TRPM8: variants seen among roughly 807,000 people sequenced by gnomAD.
TRPM8 encodes transient receptor potential cation channel subfamily M member 8.
A neutral mutation model predicts 133.7 loss-of-function variants in TRPM8; 110 were observed. That is an observed-to-expected ratio of 0.82 (90% CI 0.70 to 0.96). TRPM8 has a LOEUF of 0.96. Among genes scored for constraint, TRPM8 ranks in the 40% least tolerant of loss-of-function variants. The pLI is 0.00. For synonymous variants in TRPM8, 535 were observed against 532.3 expected (o/e 1.01, Z -0.07); for missense variants, 1,291 against 1,379.5 (o/e 0.94, Z 1.02).
chr2:233,942,828 G>C (rs752961408), intron 6 of TRPM8, 80 bp downstream of exon 6: 1 of 1,550,602 alleles, frequency 6.4e-7, no homozygotes, highest in South Asian at 1.1e-5. Context: ...GAACCCTGGG[G>C]CTCTGTGATG....
At chr2:234,002,681 A>G (rs1431594355) in intron 22 of TRPM8, among the ~76,000 whole-genome samples, 3 of 152,282 alleles carry the variant, frequency 2.0e-5, no homozygotes, top group East Asian at 3.9e-4. Flanking sequence ...GAAAAAAGAA[A>G]AGTCGCTGTT....
At chr2:233,998,147 G>A (rs889132789) in intron 22 of TRPM8, among the ~76,000 whole-genome samples, 2 of 152,114 alleles carry the variant, frequency 1.3e-5, no homozygotes, top group African/African-American at 4.8e-5. Flanking sequence ...ATCCATCTCT[G>A]GGATGGGGAT....
chr2:233,938,784 C>T (rs1574702620), intron 4 of TRPM8, among the ~76,000 whole-genome samples: 1 of 152,004 alleles, frequency 6.6e-6, no homozygotes, highest in Admixed American at 6.6e-5. Flanking sequence ...AATTTTCGGG[C>T]CCCAAGATTT....
chr2:234,001,199 G>A (rs1218672781), intron 22 of TRPM8, among the ~76,000 whole-genome samples: 3 of 152,064 alleles, frequency 2.0e-5, no homozygotes, highest in Admixed American at 6.5e-5. Flanking sequence ...ATGACCTGCT[G>A]TAGGGGAAGG....
chr2:233,924,727 C>A (rs1442238899), intron 1 of TRPM8, among the ~76,000 whole-genome samples: 2 of 152,178 alleles, frequency 1.3e-5, no homozygotes, highest in Non-Finnish European at 2.9e-5. Context: ...AAAAATACCC[C>A]TTTTCTGTTG....
rs1280265033 is a variant in TRPM8, at chr2:233,937,354, G to C, written c.193G>C (p.Glu65Gln). Reference protein sequence around the residue: ...VFFTKDSKATENVCKCGYAQS... With the variant: ...VFFTKDSKATQNVCKCGYAQS... ...TGTCCACACCATCGTGCTTATCAGGGAGAATGTGTGCAAGTGTGGCTATGC... is the reference window on the plus strand; with the variant it reads ...TGTCCACACCATCGTGCTTATCAGGCAGAATGTGTGCAAGTGTGGCTATGC... The change falls in exon 4 of 26, where the codon GAG (glutamate) becomes CAG (glutamine). Residue 65 changes from glutamate (E) to glutamine (Q), a missense_variant and splice_region_variant. By Grantham distance (29) the Glu-to-Gln change is conservative. Transcript: ENST00000324695. 2 of 1,614,046 alleles carry C rather than the reference G, an allele frequency of 1.2e-6. No individual in the cohort carries two copies. The highest frequency in any genetic ancestry group is 4.5e-5 in the East Asian group (2 of 44,878).
At chr2:233,988,556 T>C (rs192785467) in intron 21 of TRPM8, among the ~76,000 whole-genome samples, 77 of 152,300 alleles carry the variant, frequency 5.1e-4, no homozygotes, top group Non-Finnish European at 7.5e-4. Context: ...CTTCCTGGTG[T>C]ATTATATACT....
intron 22 of TRPM8, among the ~76,000 whole-genome samples, chr2:234,002,738 G>A (rs1692599675): frequency 6.6e-6 from 1 of 152,188 alleles, no homozygotes; most frequent in Admixed American, 6.5e-5. Context: ...GGGAAATATA[G>A]GGGAGAATCC....
intron 5 of TRPM8, 34 bp from the exon 6 acceptor site, chr2:233,942,542 C>T (rs1690935042): frequency 3.7e-6 from 6 of 1,612,812 alleles, no homozygotes; most frequent in South Asian, 1.1e-5. Context: ...TGCCCAGTGC[C>T]ACTTGACCAT....
intron 3 of TRPM8, among the ~76,000 whole-genome samples, chr2:233,934,861 T>C (rs966616615): frequency 1.2e-4 from 19 of 152,262 alleles, no homozygotes; most frequent in African/African-American, 4.6e-4. Context: ...ATTGTGTTTT[T>C]AGAAAAGTCA....
intron 12 of TRPM8, among the ~76,000 whole-genome samples, chr2:233,962,195 C>G (rs1244174127): frequency 6.6e-6 from 1 of 152,146 alleles, no homozygotes; most frequent in African/African-American, 2.4e-5. Context: ...TATAATCCTG[C>G]AGAACTTCTC....
At chr2:233,926,191 T>G (rs918427103) in intron 1 of TRPM8, among the ~76,000 whole-genome samples, 2 of 152,110 alleles carry the variant, frequency 1.3e-5, no homozygotes, top group African/African-American at 4.8e-5. Flanking sequence ...TCAGATGGAG[T>G]GCACTGTGAT....
intron 21 of TRPM8, among the ~76,000 whole-genome samples, chr2:233,993,303 G>A (rs966341722): frequency 2.6e-5 from 4 of 152,200 alleles, no homozygotes; most frequent in Admixed American, 6.5e-5. Flanking sequence ...AGGAGGGGCC[G>A]TGCAGTCAAC....
intron 3 of TRPM8, among the ~76,000 whole-genome samples, chr2:233,934,490 A>G (rs1691748991): frequency 6.6e-6 from 1 of 152,172 alleles, no homozygotes; most frequent in African/African-American, 2.4e-5. Flanking sequence ...TCTTGATCCT[A>G]CTGTGTAGAT....
At position 233,986,649 on chromosome 2, in the gene TRPM8, T is replaced by C. The variant is rs11563031; in HGVS notation, c.2939+784T>C. ...TTCAAAACCAGAAACCTAGAAACTC[T>C]GAATGAGAAGATAAACATATTTGAT... is the stretch of plus-strand genomic sequence containing the variant. On this transcript the variant is annotated intron_variant, in intron 21 of 25. Transcript: ENST00000324695. Among the ~76,000 whole-genome samples the C allele has an allele frequency of 5.2e-3, 787 of 152,286 alleles. 12 individuals are homozygous for C. Among genetic ancestry groups the C allele is most frequent in the African/African-American group, 0.018 (753 of 41,550 alleles).
chr2:233,928,031 G>A (rs1420967092), intron 2 of TRPM8, among the ~76,000 whole-genome samples: 4 of 143,832 alleles, frequency 2.8e-5, no homozygotes, highest in Non-Finnish European at 4.5e-5. Context: ...GTGCAGTGGC[G>A]AGATCTCGGC....
At chr2:233,981,042 T>G (rs1221251611) in intron 18 of TRPM8, among the ~76,000 whole-genome samples, 3 of 152,214 alleles carry the variant, frequency 2.0e-5, no homozygotes, top group Non-Finnish European at 2.9e-5. Context: ...AGACCCTGTT[T>G]CAATTTTTTA....
chr2:234,014,175 T>C (rs552715305), intron 24 of TRPM8, among the ~76,000 whole-genome samples: 4 of 152,308 alleles, frequency 2.6e-5, no homozygotes, highest in Non-Finnish European at 4.4e-5. Context: ...ATTAGTATTA[T>C]ACTTTTACCA....
intron 9 of TRPM8, among the ~76,000 whole-genome samples, chr2:233,953,224 C>T (rs1436455254): frequency 1.3e-5 from 2 of 152,184 alleles, no homozygotes; most frequent in South Asian, 2.1e-4. Context: ...ACTTCGTCTC[C>T]CACCCAGCGG....
Sources: gnomAD v4.1 joint callset for allele counts (sites outside exome capture counted in the v4.1 genomes callset) on GRCh38, gnomAD v4.1.1 for gene constraint, MANE v1.5 for transcripts, NCBI Gene and HGNC (gene_info 2026-07-23, HGNC 2026-07-21) for gene names.